ANKH: variants seen among roughly 807,000 people sequenced by gnomAD.
The protein encoded by ANKH is mineralization regulator ANKH.
In ANKH, 15 loss-of-function variants were observed where a neutral mutation model predicts 49.0. That is an observed-to-expected ratio of 0.31 (90% CI 0.20 to 0.47). The LOEUF is 0.47. Among genes scored for constraint, ANKH ranks in the 20% least tolerant of loss-of-function variants. The pLI is 1.00. For missense variants in ANKH, 429 were observed against 652.0 expected (o/e 0.66, Z 3.72); for synonymous variants, 273 against 260.0 (o/e 1.05, Z -0.48).
At chr5:14,838,106 C>T (rs1403744007) in intron 1 of ANKH, among the ~76,000 whole-genome samples, 1 of 152,050 alleles carries the variant, frequency 6.6e-6, no homozygotes, top group East Asian at 1.9e-4. Flanking sequence ...CGCACCAGGG[C>T]CTGACGTGGG....
chr5:14,739,260 C>G (rs1009895751), intron 8 of ANKH, among the ~76,000 whole-genome samples: 11 of 151,962 alleles, frequency 7.2e-5, no homozygotes, highest in African/African-American at 2.7e-4. Context: ...CTACTAAAAA[C>G]ACAAAAATCA....
At chr5:14,720,688 C>T (rs1737631439) in intron 8 of ANKH, among the ~76,000 whole-genome samples, 1 of 152,204 alleles carries the variant, frequency 6.6e-6, no homozygotes, top group South Asian at 2.1e-4. Context: ...CTGTGTTTAT[C>T]TAAGGGTTAG....
At chr5:14,718,142 G>A (rs949158614) in intron 8 of ANKH, among the ~76,000 whole-genome samples, 2 of 152,128 alleles carry the variant, frequency 1.3e-5, no homozygotes, top group Non-Finnish European at 2.9e-5. Context: ...TGAAGCAGCC[G>A]CACTTGAGCA....
intron 1 of ANKH, among the ~76,000 whole-genome samples, chr5:14,819,900 T>TACACACACACACACACAC: frequency 6.9e-6 from 1 of 145,520 alleles, no homozygotes; most frequent in East Asian, 2.0e-4. Flanking sequence ...AACAAAAATA[T>TACACACACACACACACAC]ACACACACAC....
chr5:14,764,493 C>T (rs1057072445), intron 2 of ANKH, among the ~76,000 whole-genome samples: 6 of 152,276 alleles, frequency 3.9e-5, no homozygotes, highest in East Asian at 1.9e-4. Context: ...GTCAGCAGAG[C>T]GACCTCCTGG....
intron 7 of ANKH, among the ~76,000 whole-genome samples, chr5:14,743,099 C>A (rs958421081): frequency 2.0e-5 from 3 of 152,226 alleles, no homozygotes; most frequent in Non-Finnish European, 4.4e-5. Context: ...TTCTCAAATC[C>A]CTTCCACCAC....
chr5:14,867,869 C>T (rs184868071), intron 1 of ANKH, among the ~76,000 whole-genome samples: 1 of 152,188 alleles, frequency 6.6e-6, no homozygotes, highest in African/African-American at 2.4e-5. Flanking sequence ...AAAAGCAGAT[C>T]ATTTTATTCC....
chr5:14,719,081 C>T lies in ANKH; in HGVS notation c.1012-2246G>A, dbSNP rs562657228. On this transcript the variant is annotated intron_variant, in intron 8 of 11. Transcript: ENST00000284268. ...AGTTTCAGGACTGAAAGGGCCCATC[C>T]GGGGGAGGTGGTGCAGTGCATGGGA... Among the ~76,000 whole-genome samples, 75 of 152,244 alleles carry T rather than the reference C, an allele frequency of 4.9e-4. No individual in the cohort carries two copies. The East Asian group carries it at 0.014, about 27-fold the overall frequency.
chr5:14,831,181 T>C (rs934960247), intron 1 of ANKH, among the ~76,000 whole-genome samples: 2 of 151,682 alleles, frequency 1.3e-5, no homozygotes, highest in Admixed American at 1.3e-4. Flanking sequence ...CCTTGGAGAG[T>C]GACAGGGAGC....
rs536590367 is a variant in ANKH, at chr5:14,742,656, C to A, written c.916-734G>T. Among the ~76,000 whole-genome samples the A allele has an allele frequency of 3.3e-5, 5 of 152,334 alleles. No homozygotes were observed. The East Asian group carries it at 9.6e-4, about 29-fold the overall frequency. ...AGGGCAGGCATCATGTCCTGTCATGCGTCCAACCCCGGTGAGGCTGTGCTT... is the reference window on the plus strand; with the variant it reads ...AGGGCAGGCATCATGTCCTGTCATGAGTCCAACCCCGGTGAGGCTGTGCTT... On this transcript the variant is annotated intron_variant, in intron 7 of 11. Coordinates refer to ENST00000284268, the MANE Select transcript of ANKH (RefSeq NM_054027.6).
At chr5:14,744,427 G>A (rs944341434) in intron 7 of ANKH, among the ~76,000 whole-genome samples, 1 of 148,314 alleles carries the variant, frequency 6.7e-6, no homozygotes, top group Non-Finnish European at 1.5e-5. Context: ...TTTTCAGGTG[G>A]TTTACCCTTT....
intron 1 of ANKH, among the ~76,000 whole-genome samples, chr5:14,843,746 C>T (rs1017935156): frequency 3.3e-5 from 5 of 152,106 alleles, no homozygotes; most frequent in African/African-American, 1.2e-4. Context: ...TCAGTGTGTG[C>T]TCGCTCTTGA....
At chr5:14,751,741 G>A (rs568728039) in intron 4 of ANKH, among the ~76,000 whole-genome samples, 6 of 152,208 alleles carry the variant, frequency 3.9e-5, no homozygotes, top group African/African-American at 1.2e-4. Flanking sequence ...CTCAAGAATT[G>A]CCACTGACAT....
chr5:14,772,925 G>A (rs1739493716), intron 1 of ANKH, among the ~76,000 whole-genome samples: 1 of 152,248 alleles, frequency 6.6e-6, no homozygotes, highest in Admixed American at 6.5e-5. Context: ...GCCACTGGCT[G>A]ATTTTATACA....
At chr5:14,797,130 C>G in intron 1 of ANKH, 2 of 1,350,606 alleles carry the variant, frequency 1.5e-6, no homozygotes, top group Non-Finnish European at 2.1e-6. Flanking sequence ...TATTTAGGAC[C>G]CTTGTCCTTC....
intron 1 of ANKH, chr5:14,797,498 C>T: frequency 2.5e-6 from 4 of 1,611,252 alleles, no homozygotes; most frequent in Non-Finnish European, 3.4e-6. Flanking sequence ...TTCTCAGATC[C>T]CACAAGGCAA....
intron 1 of ANKH, among the ~76,000 whole-genome samples, chr5:14,849,190 G>T (rs1056510367): frequency 6.6e-6 from 1 of 152,182 alleles, no homozygotes; most frequent in Non-Finnish European, 1.5e-5. Context: ...ACATACTAGA[G>T]ATCAGATTTC....
At position 14,769,029 on chromosome 5, in the gene ANKH, C is replaced by T. The variant is rs748715503; in HGVS notation, c.259G>A (p.Val87Ile). Residue 87 changes from valine to isoleucine, a missense_variant, in exon 2 of 12, where the codon GTC becomes ATC. This residue lies in a region of ANKH where 378 missense variants were observed against 615.3 expected (regional missense o/e 0.61). Transcript: ENST00000284268. ...GCCCCTGCCACCACCATACACAGGA[C>T]GGCTTTGGTCCTGTCTCTCTTGCTG... is the stretch of plus-strand genomic sequence containing the variant. The part of the protein sequence containing the change: ...VNSKRDRTKA[V>I]LCMVVAGAIA... The T allele has an allele frequency of 4.2e-5, 67 of 1,614,102 alleles. No individual in the cohort carries two copies. In the East Asian group the frequency reaches 1.1e-3, roughly 26 times the overall value.
chr5:14,777,751 G>A (rs1259387886), intron 1 of ANKH, among the ~76,000 whole-genome samples: 1 of 152,238 alleles, frequency 6.6e-6, no homozygotes, highest in Non-Finnish European at 1.5e-5. Flanking sequence ...TCCTCGCTGA[G>A]AGGAGGTCTG....
Sources: allele counts gnomAD v4.1 joint callset (sites outside exome capture counted in the v4.1 genomes callset), GRCh38; gene constraint gnomAD v4.1.1; regional missense constraint gnomAD v4.1.1; transcripts MANE v1.5; gene names NCBI Gene and HGNC (gene_info 2026-07-23, HGNC 2026-07-21).